Variants in RYR3 observed in about 807,000 individuals in gnomAD.
RYR3 encodes the protein brain ryanodine receptor-calcium release channel.
In RYR3, 207 loss-of-function variants were observed where a neutral mutation model predicts 584.3. That is an observed-to-expected ratio of 0.35 (90% CI 0.32 to 0.40). The LOEUF is 0.40. Ranked by LOEUF, RYR3 falls within the 10% of genes least tolerant of loss-of-function variation. The probability of loss-of-function intolerance (pLI) is 1.00; values close to 1 mark genes in which losing one functional copy is unlikely to be tolerated. For synonymous variants in RYR3, 2,416 were observed against 2,248.5 expected (o/e 1.07, Z -2.11); for missense variants, 5,616 against 6,089.2 (o/e 0.92, Z 2.59).
chr15:33,540,585 G>A (rs1218830868), intron 6 of RYR3, among the ~76,000 whole-genome samples: 1 of 152,178 alleles, frequency 6.6e-6, no homozygotes, highest in Non-Finnish European at 1.5e-5. Context: ...TGCCATCTCT[G>A]TAGCTGAATA....
At chr15:33,748,008 A>G in intron 53 of RYR3, 106 bp from the exon 54 acceptor site, 1 of 1,002,568 alleles carries the variant, frequency 1.0e-6, no homozygotes, top group Non-Finnish European at 1.5e-6. Context: ...GGCTGGTGCT[A>G]ACTAGCACCC....
At chr15:33,728,764 G>A (rs2068680008) in intron 46 of RYR3, 93 bp from the exon 47 acceptor site, 1 of 1,240,250 alleles carries the variant, frequency 8.1e-7, no homozygotes, top group Non-Finnish European at 1.1e-6. Flanking sequence ...GTCCCTTATA[G>A]GGAGAATAAG....
chr15:33,487,974 G>T (rs79996985), intron 2 of RYR3, among the ~76,000 whole-genome samples: 10,345 of 152,210 alleles, frequency 0.068, 438 homozygotes, highest in African/African-American at 0.13. Flanking sequence ...TAAAGAAATA[G>T]CATAGAAGTC....
At position 33,857,824 on chromosome 15, in the gene RYR3, T is replaced by C. The variant is rs765937489; in HGVS notation, c.14052T>C (p.Tyr4684=). ...VGLLAVVVYL[Y]TVVAFNFFRK... ...TCCTGGCCGTGGTGGTTTATCTCTA[T>C]ACTGTGGTGGCTTTCAACTTCTTCC... Residue 4684 remains tyrosine, a synonymous_variant, in exon 99 of 104, where the codon TAT becomes TAC. Transcript: ENST00000634891. 4 of 1,614,218 alleles carry C rather than the reference T, an allele frequency of 2.5e-6. No homozygotes were observed. The highest frequency in any genetic ancestry group is 1.3e-5 in the African/African-American group (1 of 75,058).
At chr15:33,687,423 C>G (rs1321555148) in intron 38 of RYR3, among the ~76,000 whole-genome samples, 1 of 152,126 alleles carries the variant, frequency 6.6e-6, no homozygotes, top group Non-Finnish European at 1.5e-5. Flanking sequence ...AGGACACAAA[C>G]AAATGGAAGA....
chr15:33,490,342 T>A (rs2050859169), intron 2 of RYR3, among the ~76,000 whole-genome samples: 1 of 152,198 alleles, frequency 6.6e-6, no homozygotes, highest in Non-Finnish European at 1.5e-5. Flanking sequence ...ACTCTTGACC[T>A]AATGCTCTGT....
chr15:33,319,858 A>G (rs186045119), intron 1 of RYR3, among the ~76,000 whole-genome samples: 5 of 152,346 alleles, frequency 3.3e-5, no homozygotes, highest in Non-Finnish European at 5.9e-5. Flanking sequence ...TGAGCCATAC[A>G]TTAGGAACTC....
chr15:33,636,648 C>T, intron 27 of RYR3, 98 bp downstream of exon 27: 1 of 1,081,198 alleles, frequency 9.2e-7, no homozygotes. Context: ...TCGGTCTACA[C>T]TGTCCTTTGC....
chr15:33,635,208 G>A (rs1032768656), intron 25 of RYR3, among the ~76,000 whole-genome samples: 3 of 152,162 alleles, frequency 2.0e-5, no homozygotes, highest in Admixed American at 6.5e-5. Flanking sequence ...GGGCAGAATT[G>A]TAAGTCATTA....
chr15:33,580,598 G>A (rs1290462183), intron 13 of RYR3, among the ~76,000 whole-genome samples: 2 of 152,150 alleles, frequency 1.3e-5, no homozygotes, highest in African/African-American at 4.8e-5. Context: ...CTGGGAGTGG[G>A]GCCTGACCAT....
At chr15:33,452,202 T>C (rs59656301) in intron 1 of RYR3, among the ~76,000 whole-genome samples, 14,078 of 152,262 alleles carry the variant, frequency 0.092, 1,714 homozygotes, top group African/African-American at 0.28. Flanking sequence ...AGGGAATGTT[T>C]CTCATTGTTG....
chr15:33,410,115 G>A lies in RYR3; in HGVS notation c.52-63304G>A, dbSNP rs146136405. 5.3e-5 allele frequency among the ~76,000 whole-genome samples: 8 copies of A among 152,294 alleles called. No homozygotes were observed. The East Asian group carries it at 1.5e-3, about 29-fold the overall frequency. The stretch of plus-strand genomic sequence containing the variant: ...CTGTGTAAACATGGTCTGGGGCTGT[G>A]TGCACAGTGATAAATGATAGTGGGA... On this transcript the variant is annotated intron_variant, in intron 1 of 103. Coordinates refer to ENST00000634891, the MANE Select transcript of RYR3 (RefSeq NM_001036.6).
At chr15:33,339,888 C>CAAAA (rs34401708) in intron 1 of RYR3, among the ~76,000 whole-genome samples, 3 of 135,510 alleles carry the variant, frequency 2.2e-5, no homozygotes, top group South Asian at 2.5e-4. Flanking sequence ...GACTCCGTCT[C>CAAAA]AAAAAAAAAA....
intron 89 of RYR3, chr15:33,840,480 G>A (rs2078288500): frequency 3.6e-6 from 1 of 277,142 alleles, no homozygotes; most frequent in African/African-American, 2.2e-5. Flanking sequence ...ATGGAGGCAG[G>A]CTGATCAAAC....
At chr15:33,778,401 G>A (rs773479284) in intron 64 of RYR3, among the ~76,000 whole-genome samples, 2 of 152,092 alleles carry the variant, frequency 1.3e-5, no homozygotes, top group Non-Finnish European at 2.9e-5. Flanking sequence ...ACTCTTAGCT[G>A]AAAAAAATTG....
intron 72 of RYR3, 73 bp downstream of exon 72, chr15:33,811,110 C>T (rs551208406): frequency 6.5e-6 from 8 of 1,228,206 alleles, no homozygotes; most frequent in Non-Finnish European, 7.1e-6. Flanking sequence ...CTTTTCACTT[C>T]ATTTACTCAT....
At chr15:33,796,800 C>G (rs1343468681) in intron 67 of RYR3, among the ~76,000 whole-genome samples, 3 of 152,190 alleles carry the variant, frequency 2.0e-5, no homozygotes, top group Non-Finnish European at 4.4e-5. Context: ...TACTTGCACT[C>G]ATATGTTTAT....
At chr15:33,621,436 T>A (rs1270407928) in intron 19 of RYR3, among the ~76,000 whole-genome samples, 1 of 152,240 alleles carries the variant, frequency 6.6e-6, no homozygotes, top group African/African-American at 2.4e-5. Flanking sequence ...TATGTTGCAA[T>A]TGAATTGGGA....
intron 1 of RYR3, among the ~76,000 whole-genome samples, chr15:33,364,879 A>G (rs1975262713): frequency 6.6e-6 from 1 of 152,206 alleles, no homozygotes; most frequent in South Asian, 2.1e-4. Flanking sequence ...TTCTAACAGG[A>G]AAGAGGGCTC....
Sources: gnomAD v4.1 joint callset for allele counts (sites outside exome capture counted in the v4.1 genomes callset) on GRCh38, gnomAD v4.1.1 for gene constraint, MANE v1.5 for transcripts, NCBI Gene and HGNC (gene_info 2026-07-23, HGNC 2026-07-21) for gene names.